Variants in RWDD2B observed in about 807,000 individuals in gnomAD.
RWDD2B encodes RWD domain-containing protein 2B.
RWDD2B carries 36 observed loss-of-function variants against 33.6 expected under a neutral mutation model. The ratio of observed to expected loss-of-function variants is 1.07; its 90% CI spans 0.82 to 1.42. The LOEUF (loss-of-function observed/expected upper bound fraction) is 1.42, where lower values mean the gene tolerates loss of function less well. RWDD2B is among the 40% of genes most tolerant of loss of function. RWDD2B has a pLI of 0.00. For missense variants in RWDD2B, 364 were observed against 377.5 expected, an observed-to-expected ratio of 0.96 and a Z score of 0.30; for synonymous variants, 126 against 133.1, an observed-to-expected ratio of 0.95 and a Z score of 0.37.
chr21:29,006,514 C>G lies in RWDD2B; in HGVS notation c.863G>C (p.Arg288Thr). Residue 288 changes from arginine to threonine, a missense_variant, in exon 5 of 5, where the codon AGG (arginine) becomes ACG (threonine). Coordinates refer to ENST00000493196, the MANE Select transcript of RWDD2B (RefSeq NM_016940.3). The stretch of plus-strand genomic sequence containing the variant: ...CTGACCAAAGTCCATGTGGTTTCCC[C>G]TGGCTCCATTAACACTGAACACTTT... The part of the protein sequence containing the change: ...EEKVFSVNGA[R>T]GNHMDFGQLY... 2 of 1,614,034 alleles carry G rather than the reference C, an allele frequency of 1.2e-6. No individual in the cohort carries two copies. The highest frequency in any genetic ancestry group is 1.7e-6 in the Non-Finnish European group (2 of 1,179,930).
rs559109902 is a variant in RWDD2B, at chr21:29,011,034, G to C, written c.68-2413C>G. On this transcript the variant is annotated intron_variant, in intron 1 of 4. Coordinates refer to ENST00000493196, the MANE Select transcript of RWDD2B (RefSeq NM_016940.3). The stretch of plus-strand genomic sequence containing the variant: ...GGCTCGCTACAACCTCCACCTCCCA[G>C]CAGCCTGCCTTGGCCTCCCAAAGTG... 2.1e-3 allele frequency among the ~76,000 whole-genome samples: 314 copies of C among 152,218 alleles called. 2 individuals carry two copies. Among genetic ancestry groups the C allele is most frequent in the Middle Eastern group, 0.02 (6 of 294 alleles).
In RWDD2B at chr21:29,011,466, G is replaced by A. The variant is rs574617162; in HGVS notation, c.68-2845C>T. Among the ~76,000 whole-genome samples the A allele has an allele frequency of 2.8e-4, 42 of 149,500 alleles. No homozygotes were observed. In the East Asian group the frequency reaches 6.6e-3, roughly 24 times the overall value. On this transcript the variant is annotated intron_variant, in intron 1 of 4. Transcript: ENST00000493196. The stretch of plus-strand genomic sequence containing the variant: ...GGTCTGAGAAGTGAGGAGCCCCTCC[G>A]CCCAGCAGCCACCCCGTCTGGGAAG...
chr21:29,007,871 A>G lies in RWDD2B; in HGVS notation c.615T>C (p.Asn205=). 1 of 1,614,212 alleles carries G rather than the reference A, an allele frequency of 6.2e-7. No individual in the cohort carries two copies. The highest frequency in any genetic ancestry group is 8.5e-7 in the Non-Finnish European group (1 of 1,180,034). The change falls in exon 4 of 5, where the codon AAT becomes AAC. Residue 205 remains asparagine (N), a synonymous_variant. Transcript: ENST00000493196. ...AAAGCTCCTTTGCCCACTCTAGAAT[A>G]TTCTTTCTTTTGCATTTGTTATAGA... is the stretch of plus-strand genomic sequence containing the variant. ...HHIYNKCKRK[N]ILEWAKELSL...
In RWDD2B at chr21:29,007,779, C is replaced by A. The variant is rs2084835719; in HGVS notation, c.707G>T (p.Cys236Phe). Reference sequence around the variant, plus strand: ...AGCAAACCTTGACCAGAATTCTTCACAGGCACTTTGTGGGCCTTCCACACA... The same window carrying A: ...AGCAAACCTTGACCAGAATTCTTCAAAGGCACTTTGTGGGCCTTCCACACA... The part of the protein sequence containing the change: ...VVCVEGPQSA[C>F]EEFWSRLRKL... Residue 236 changes from cysteine (C) to phenylalanine (F), a missense_variant, in exon 4 of 5, where the codon TGT becomes TTT. Physicochemically the swap from Cys to Phe is radical, Grantham distance 205. Coordinates refer to ENST00000493196, the MANE Select transcript of RWDD2B (RefSeq NM_016940.3). 6.2e-7 allele frequency: 1 copy of A among 1,613,452 alleles called. No homozygotes were observed.
Position 29,008,632 on chromosome 21 carries a change from AAAGAT to A in RWDD2B, c.68-16_68-12del. 1.9e-6 allele frequency: 3 copies of A among 1,588,904 alleles called. No individual in the cohort carries two copies. The highest frequency in any genetic ancestry group is 2.6e-6 in the Non-Finnish European group (3 of 1,160,964). On this transcript the variant is annotated splice_polypyrimidine_tract_variant and intron_variant, in intron 1 of 4. Coordinates refer to ENST00000493196, the MANE Select transcript of RWDD2B (RefSeq NM_016940.3). ...GACATGTGTAAGTTTCTAAGGAGGT[AAAGAT>A]AAGAGAGACAATTTACATATGCAAT...
chr21:29,013,582 G>A (rs557807094), intron 1 of RWDD2B, among the ~76,000 whole-genome samples: 5 of 151,752 alleles, frequency 3.3e-5, no homozygotes, highest in South Asian at 4.2e-4. Context: ...CCAGCTACTC[G>A]GGAGGCTGAG....
At chr21:29,014,737 C>T (rs910578961) in intron 1 of RWDD2B, among the ~76,000 whole-genome samples, 7 of 152,150 alleles carry the variant, frequency 4.6e-5, no homozygotes, top group Non-Finnish European at 1.0e-4. Flanking sequence ...AGGAGAATGG[C>T]GTGAACCCAG....
chr21:29,015,726 T>TAG (rs1284445122), intron 1 of RWDD2B, among the ~76,000 whole-genome samples: 1 of 152,034 alleles, frequency 6.6e-6, no homozygotes, highest in Non-Finnish European at 1.5e-5. Flanking sequence ...AGAAAGGGTT[T>TAG]TATCATGTTG....
At chr21:29,017,755 A>C (rs2084897369) in intron 1 of RWDD2B, among the ~76,000 whole-genome samples, 1 of 152,172 alleles carries the variant, frequency 6.6e-6, no homozygotes, top group African/African-American at 2.4e-5. Context: ...TCCTAAGGTG[A>C]CTGTAGGGAA....
Position 29,008,516 on chromosome 21 carries a change from A to G in RWDD2B, c.173T>C (p.Val58Ala). The G allele has an allele frequency of 1.9e-6, 3 of 1,614,154 alleles. No homozygotes were observed. The highest frequency in any genetic ancestry group is 2.5e-6 in the Non-Finnish European group (3 of 1,180,002). Residue 58 changes from valine (V) to alanine (A), a missense_variant, in exon 2 of 5, where the codon GTG becomes GCG. Coordinates refer to ENST00000493196, the MANE Select transcript of RWDD2B (RefSeq NM_016940.3). ...SMFPGENELIVNDQLAVAELK... is the reference protein window; with the variant it reads ...SMFPGENELIANDQLAVAELK... Reference sequence around the variant, plus strand: ...TTCTGCTACAGCCAGCTGGTCATTCACTATGAGCTCATTCTCACCAGGGAA... The same window carrying G: ...TTCTGCTACAGCCAGCTGGTCATTCGCTATGAGCTCATTCTCACCAGGGAA...
At position 29,006,463 on chromosome 21, in the gene RWDD2B, C is replaced by A. The variant is rs1195244817; in HGVS notation, c.914G>T (p.Gly305Val). The A allele has an allele frequency of 1.2e-6, 2 of 1,613,784 alleles. No homozygotes were observed. Among genetic ancestry groups the A allele is most frequent in the Non-Finnish European group, 1.7e-6 (2 of 1,179,848 alleles). Reference protein sequence around the residue: ...GQLYQFLNTKGCGDVFQMFFG... With the variant: ...GQLYQFLNTKVCGDVFQMFFG... ...GAACATCTGGAAAACATCCCCACAT[C>A]CTTTGGTGTTTAAGAACTGATAGAG... The change falls in exon 5 of 5, where the codon GGA (glycine) becomes GTA (valine). Residue 305 changes from glycine (G) to valine (V), a missense_variant. Physicochemically the swap from Gly to Val is moderately radical, Grantham distance 109 (BLOSUM62 -3). Coordinates refer to ENST00000493196, the MANE Select transcript of RWDD2B (RefSeq NM_016940.3).
intron 1 of RWDD2B, among the ~76,000 whole-genome samples, chr21:29,011,932 G>C (rs1336612486): frequency 1.6e-5 from 2 of 124,010 alleles, no homozygotes; most frequent in Non-Finnish European, 3.4e-5. Flanking sequence ...CCCCATCCGG[G>C]AGGGAGGTGG....
intron 1 of RWDD2B, among the ~76,000 whole-genome samples, chr21:29,012,967 G>T (rs1466278700): frequency 6.6e-6 from 1 of 151,174 alleles, no homozygotes; most frequent in Non-Finnish European, 1.5e-5. Flanking sequence ...CATATGTTAA[G>T]TGCCTATATG....
chr21:29,009,373 C>G (rs1177700683), intron 1 of RWDD2B, among the ~76,000 whole-genome samples: 1 of 150,718 alleles, frequency 6.6e-6, no homozygotes, highest in Non-Finnish European at 1.5e-5. Context: ...GTATGAGCCA[C>G]TGTGCATGGC....
chr21:29,010,924 C>A, intron 1 of RWDD2B, among the ~76,000 whole-genome samples: 1 of 152,236 alleles, frequency 6.6e-6, no homozygotes, highest in African/African-American at 2.4e-5. Flanking sequence ...CCAGCCTCGG[C>A]CTCCCGAGAT....
intron 1 of RWDD2B, among the ~76,000 whole-genome samples, chr21:29,012,809 T>C (rs2084871181): frequency 6.6e-6 from 1 of 152,164 alleles, no homozygotes; most frequent in Non-Finnish European, 1.5e-5. Context: ...TTGGAATACA[T>C]TTTCAATTTC....
rs1335842723 is a variant in RWDD2B, at chr21:29,008,618, G to A, written c.71C>T (p.Thr24Ile). The stretch of plus-strand genomic sequence containing the variant: ...CTCAATCATTTTTGGACATGTGTAA[G>A]TTTCTAAGGAGGTAAAGATAAGAGA... ...YSSEGATAQE[T>I]YTCPKMIEME... The change falls in exon 2 of 5, where the codon ACT becomes ATT. Residue 24 changes from threonine to isoleucine, a missense_variant. Transcript: ENST00000493196. 3 of 1,609,070 alleles carry A rather than the reference G, an allele frequency of 1.9e-6. No homozygotes were observed. Among genetic ancestry groups the A allele is most frequent in the Admixed American group, 3.4e-5 (2 of 59,474 alleles).
In RWDD2B at chr21:29,004,529, C is replaced by T. The variant is rs963008842; in HGVS notation, c.*1888G>A. The T allele has an allele frequency of 2.0e-5, 3 of 152,162 alleles. No homozygotes were observed. The highest frequency in any genetic ancestry group is 7.2e-5 in the African/African-American group (3 of 41,422). 9.4% of individuals were successfully genotyped at this position (152,162 alleles called of 1,614,324 possible). On this transcript the variant is annotated 3_prime_UTR_variant, in exon 5 of 5. Transcript: ENST00000493196. ...TAAAGTAATATATGCATCATCTGCC[C>T]CCTTTGGTGGTAGGGATGTCAGATT... is the stretch of plus-strand genomic sequence containing the variant.
chr21:29,013,453 G>T (rs1352488694), intron 1 of RWDD2B, among the ~76,000 whole-genome samples: 1 of 152,032 alleles, frequency 6.6e-6, no homozygotes, highest in Non-Finnish European at 1.5e-5. Context: ...ACTTTGGGAG[G>T]CAGAGGCGGG....
Sources: allele counts gnomAD v4.1 joint callset (sites outside exome capture counted in the v4.1 genomes callset), GRCh38; gene constraint gnomAD v4.1.1; transcripts MANE v1.5; gene names NCBI Gene and HGNC (gene_info 2026-07-23, HGNC 2026-07-21).